Variants in PRAC2 observed in about 807,000 individuals in gnomAD.
PRAC2 encodes the protein PRAC2 small nuclear protein, also known as protein PRAC2.
For synonymous variants in PRAC2, 43 were observed against 49.5 expected (o/e 0.87, Z 0.55); for missense variants, 92 against 114.5 (o/e 0.80, Z 0.90).
upstream of PRAC2, among the ~76,000 whole-genome samples, chr17:48,719,886 C>G (rs988224325): frequency 1.3e-5 from 2 of 152,206 alleles, no homozygotes; most frequent in African/African-American, 2.4e-5. Context: ...TCCACAGCCC[C>G]CTCCGCCCTT....
chr17:48,719,906 C>T (rs940229983), upstream of PRAC2, among the ~76,000 whole-genome samples: 6 of 152,190 alleles, frequency 3.9e-5, no homozygotes, highest in African/African-American at 9.6e-5. Flanking sequence ...TCCCCTCCAC[C>T]CCTCCGCGTC....
upstream of PRAC2, among the ~76,000 whole-genome samples, chr17:48,719,016 C>T (rs574545394): frequency 2.0e-5 from 3 of 152,290 alleles, no homozygotes; most frequent in East Asian, 5.8e-4. Context: ...GGACTCCCGG[C>T]TGGAAAGGAA....
chr17:48,722,464 G>C, upstream of PRAC2: 3 of 1,351,284 alleles, frequency 2.2e-6, no homozygotes, highest in Non-Finnish European at 3.2e-6. Context: ...TCGGCCTAAA[G>C]GTTTCAGCCT....
rs560532978 is a variant in PRAC2 at position 48,724,609 on chromosome 17, G to A, written c.199G>A (p.Glu67Lys). ...LDPHTQLSTH[E>K]APGRWKPVAP... ...CCCCCACACGCAGCTCAGTACCCAC[G>A]AGGCCCCAGGCCGCTGGAAGCCTGT... is the stretch of plus-strand genomic sequence containing the variant. The change falls in exon 2 of 2, where the codon GAG (glutamate) becomes AAG (lysine). Residue 67 changes from glutamate (E) to lysine (K), a missense_variant. Glu to Lys is a moderately conservative substitution (Grantham distance 56). Transcript: ENST00000422730. The A allele has an allele frequency of 6.4e-5, 79 of 1,232,170 alleles. No individual in the cohort carries two copies. The African/African-American group carries it at 1.2e-3, about 18-fold the overall frequency. 76.3% of individuals were successfully genotyped at this position (1,232,170 alleles called of 1,614,324 possible).
rs1045623488 is a variant in PRAC2, at chr17:48,723,226, G to A, written c.-171G>A. 6.6e-5 allele frequency: 10 copies of A among 152,668 alleles called. No homozygotes were observed. Among genetic ancestry groups the A allele is most frequent in the African/African-American group, 2.4e-4 (10 of 41,464 alleles). 9.5% of individuals were successfully genotyped at this position (152,668 alleles called of 1,614,324 possible). On this transcript the variant is annotated 5_prime_UTR_variant, in exon 1 of 2. Transcript: ENST00000422730. ...TCCCTGGAGAGCGACTGTTCGGGAG[G>A]GTGAGAATGGTATAAATTTCAAAAA...
intron 1 of PRAC2, among the ~76,000 whole-genome samples, 152 bp from the exon 2 acceptor site, chr17:48,724,176 G>C (rs1423879514): frequency 6.6e-6 from 1 of 152,178 alleles, no homozygotes; most frequent in Admixed American, 6.5e-5. Flanking sequence ...ATCTGCAGGC[G>C]AATATAGGTT....
rs1292463411 is a variant in PRAC2, at chr17:48,723,770, A to T, written c.-84+457A>T. ...ACCGAGATTCAAAAAGAGCTTCCGG[A>T]GGTAGTTTCTACGCATTGCGCCACT... On this transcript the variant is annotated intron_variant, in intron 1 of 1. Coordinates refer to ENST00000422730, the MANE Select transcript of PRAC2 (RefSeq NM_001282275.2). The T allele has an allele frequency of 1.4e-5, 17 of 1,231,446 alleles. No individual in the cohort carries two copies. In the South Asian group the frequency reaches 6.6e-4, roughly 48 times the overall value. The allele number at this position is 1,231,446 out of a possible 1,614,324, so 76.3% of individuals were successfully genotyped here. A position where few individuals can be genotyped will look rare whatever the true frequency, so the allele number is the denominator to read the frequency against.
At chr17:48,718,716 G>T (rs1176393069), upstream of PRAC2, among the ~76,000 whole-genome samples, 1 of 152,144 alleles carries the variant, frequency 6.6e-6, no homozygotes, top group African/African-American at 2.4e-5. Context: ...AAGGCAGAAG[G>T]GTTGGCTGGA....
upstream of PRAC2, among the ~76,000 whole-genome samples, chr17:48,720,099 G>C (rs2038131001): frequency 6.6e-6 from 1 of 152,244 alleles, no homozygotes; most frequent in African/African-American, 2.4e-5. Context: ...GGGCCCACAG[G>C]ATGGGTACGG....
At chr17:48,721,969 C>T (rs2038149482), upstream of PRAC2, 2 of 1,411,324 alleles carry the variant, frequency 1.4e-6, no homozygotes, top group African/African-American at 1.4e-5. Context: ...TTGCTTATGC[C>T]AGGACTCCAT....
chr17:48,723,896 C>T, intron 1 of PRAC2: 1 of 677,564 alleles, frequency 1.5e-6, no homozygotes, highest in Non-Finnish European at 2.1e-6. Flanking sequence ...CCTGTGATCC[C>T]ATTTCGTAGC....
At chr17:48,722,172 T>C, upstream of PRAC2, 1 of 742,220 alleles carries the variant, frequency 1.3e-6, no homozygotes, top group Admixed American at 2.6e-5. Flanking sequence ...GTGGTATCGG[T>C]GAAAGCCTGC....
At chr17:48,722,392 T>C (rs745393086), upstream of PRAC2, 2 of 1,614,100 alleles carry the variant, frequency 1.2e-6, no homozygotes, top group South Asian at 2.2e-5. Context: ...GCGCACAACA[T>C]CGCTGTTCTC....
chr17:48,720,621 G>C (rs369124704), upstream of PRAC2, among the ~76,000 whole-genome samples: 9 of 152,314 alleles, frequency 5.9e-5, no homozygotes, highest in African/African-American at 2.2e-4. Context: ...CTGGTGGGAA[G>C]GGAGAGCATA....
chr17:48,724,634 T>C lies in PRAC2; in HGVS notation c.224T>C (p.Val75Ala). 8.1e-7 allele frequency: 1 copy of C among 1,232,146 alleles called. No individual in the cohort carries two copies. The highest frequency in any genetic ancestry group is 4.1e-5 in the South Asian group (1 of 24,320). The allele number at this position is 1,232,146 out of a possible 1,614,324, so 76.3% of individuals were successfully genotyped here. Residue 75 changes from valine to alanine, a missense_variant, in exon 2 of 2, where the codon GTA becomes GCA. By Grantham distance (64) the Val-to-Ala change is moderately conservative. Coordinates refer to ENST00000422730, the MANE Select transcript of PRAC2 (RefSeq NM_001282275.2). ...GAGGCCCCAGGCCGCTGGAAGCCTG[T>C]AGCTCCGCGGACGATGAAAGCCTGC... ...THEAPGRWKPVAPRTMKACPQ... is the reference protein window; with the variant it reads ...THEAPGRWKPAAPRTMKACPQ...
upstream of PRAC2, among the ~76,000 whole-genome samples, chr17:48,719,529 C>G (rs1196864926): frequency 6.6e-6 from 1 of 152,190 alleles, no homozygotes; most frequent in Non-Finnish European, 1.5e-5. Flanking sequence ...GGGAGGGGCG[C>G]TTGTAAAACC....
upstream of PRAC2, chr17:48,722,014 C>T (rs2038149935): frequency 3.3e-6 from 4 of 1,202,666 alleles, no homozygotes; most frequent in Non-Finnish European, 4.6e-6. Context: ...TTATGGCAGA[C>T]CTTACAGCGG....
upstream of PRAC2, among the ~76,000 whole-genome samples, chr17:48,721,205 A>G (rs1265507895): frequency 1.3e-5 from 2 of 152,174 alleles, no homozygotes; most frequent in East Asian, 3.8e-4. Flanking sequence ...CTGGACCCAG[A>G]GCCCCTGTGC....
chr17:48,722,626 A>G (rs985584245), upstream of PRAC2: 1 of 531,902 alleles, frequency 1.9e-6, no homozygotes, highest in Non-Finnish European at 3.4e-6. Flanking sequence ...AGTAGGGGCG[A>G]AAGCTGGAGT....
Sources: gnomAD v4.1 joint callset for allele counts (sites outside exome capture counted in the v4.1 genomes callset) on GRCh38, gnomAD v4.1.1 for gene constraint, MANE v1.5 for transcripts, NCBI Gene and HGNC (gene_info 2026-07-23, HGNC 2026-07-21) for gene names.